The following ALG13 variants were observed in gnomAD, a reference collection of about 807,000 sequenced individuals.
ALG13 encodes the protein UDP-N-acetylglucosamine transferase subunit ALG13.
Under a neutral mutation model 87.8 loss-of-function variants are expected in ALG13, and 11 were observed. The ratio of observed to expected loss-of-function variants is 0.13; its 90% CI spans 0.08 to 0.21. ALG13 has a LOEUF of 0.21. ALG13 is among the 10% of genes least tolerant of loss of function. The pLI is 1.00. For synonymous variants in ALG13, 320 were observed against 306.3 expected (o/e 1.04, Z -0.47); for missense variants, 756 against 866.1 (o/e 0.87, Z 1.60).
intron 14 of ALG13, 141 bp from the exon 15 acceptor site, chrX:111,724,793 T>A (rs1941789536): frequency 4.9e-6 from 3 of 609,858 alleles, no homozygotes; most frequent in Non-Finnish European, 7.5e-6. Flanking sequence ...TTTTCTAAAC[T>A]AATAAAAAAT....
At chrX:111,684,807 G>C (rs1934513557) in intron 2 of ALG13, among the ~76,000 whole-genome samples, 158 bp from the exon 3 acceptor site, 1 of 112,430 alleles carries the variant, frequency 8.9e-6, no homozygotes, top group African/African-American at 3.2e-5. Flanking sequence ...GAGAGCAACT[G>C]ATAACTATAC....
chrX:111,757,913 C>G (rs1179205590), intron 26 of ALG13, among the ~76,000 whole-genome samples, 151 bp downstream of exon 26: 1 of 111,887 alleles, frequency 8.9e-6, no homozygotes, highest in Non-Finnish European at 1.9e-5. Flanking sequence ...CCCTAAGACT[C>G]TTTCAAGGGA....
intron 24 of ALG13, among the ~76,000 whole-genome samples, chrX:111,751,092 C>T (rs1239415650): frequency 2.7e-5 from 2 of 75,123 alleles, no homozygotes; most frequent in East Asian, 4.1e-4. Context: ...TTTTTTGCAA[C>T]GGAGTCTTGC....
chrX:111,681,596 C>T (rs1933236869), intron 1 of ALG13: 13 of 943,108 alleles, frequency 1.4e-5, no homozygotes, highest in Non-Finnish European at 1.3e-5. Flanking sequence ...GCCTCCGCGT[C>T]CTCCGCCCCT....
chrX:111,702,923 C>T (rs937682410), intron 3 of ALG13, among the ~76,000 whole-genome samples: 1 of 110,840 alleles, frequency 9.0e-6, no homozygotes, highest in Non-Finnish European at 1.9e-5. Flanking sequence ...ATAACTTCCC[C>T]TCTAATCTAG....
chrX:111,711,855 A>G (rs909987564), intron 6 of ALG13, 130 bp downstream of exon 6: 26 of 599,693 alleles, frequency 4.3e-5, no homozygotes, highest in Middle Eastern at 5.3e-4. Flanking sequence ...GTTGAATCCA[A>G]TAGTTCTCAC....
At chrX:111,682,371 C>A in intron 2 of ALG13, 77 bp downstream of exon 2, 1 of 854,611 alleles carries the variant, frequency 1.2e-6, no homozygotes, top group Non-Finnish European at 1.6e-6. Context: ...TCTGGGGGTA[C>A]ATGTGCAGGA....
At chrX:111,693,164 CT>C (rs61239915) in intron 3 of ALG13, among the ~76,000 whole-genome samples, 1,674 of 55,066 alleles carry the variant, frequency 0.03, 18 homozygotes, top group Middle Eastern at 0.067. Context: ...GTTTTTAATT[CT>C]TTTTTTTTTT....
Position 111,759,892 on chromosome X carries a change from A to G in ALG13, c.3307A>G (p.Thr1103Ala). 8.3e-7 allele frequency: 1 copy of G among 1,210,577 alleles called. No individual in the cohort carries two copies. The highest frequency in any genetic ancestry group is 1.1e-6 in the Non-Finnish European group (1 of 895,160). ...SCVPPWHPVG[T>A]AYGGSSQIHG... ...TGTTCCCCCCTGGCATCCAGTTGGT[A>G]CAGCATATGGTGGTTCTTCTCAAAT... Residue 1103 changes from threonine to alanine, a missense_variant, in exon 27 of 27, where the codon ACA becomes GCA. Physicochemically the swap from Thr to Ala is moderately conservative, Grantham distance 58. Transcript: ENST00000394780.
At chrX:111,704,612 T>G (rs1938432824) in intron 3 of ALG13, among the ~76,000 whole-genome samples, 1 of 111,811 alleles carries the variant, frequency 8.9e-6, no homozygotes, top group African/African-American at 3.2e-5. Flanking sequence ...TCCCATTTGT[T>G]TGAAATGTTC....
chrX:111,748,386 A>G (rs922343707), intron 24 of ALG13, among the ~76,000 whole-genome samples: 5 of 111,746 alleles, frequency 4.5e-5, no homozygotes, highest in Non-Finnish European at 9.4e-5. Context: ...ATTTTCTCCT[A>G]TGTTATCGTC....
intron 25 of ALG13, among the ~76,000 whole-genome samples, chrX:111,753,355 T>C (rs1944927443): frequency 9.0e-6 from 1 of 111,363 alleles, no homozygotes; most frequent in South Asian, 3.7e-4. Context: ...CTGGGAAATA[T>C]CTAAAATCAA....
At position 111,759,507 on chromosome X, in the gene ALG13, TG is replaced by T. The variant is rs762698291; in HGVS notation, c.3149-226del. Among the ~76,000 whole-genome samples the T allele has an allele frequency of 3.6e-5, 4 of 112,247 alleles. No homozygotes were observed. In the East Asian group the frequency reaches 1.1e-3, roughly 31 times the overall value. ...AAATCATCCCAGAAAGATAGCTGTCTGTACATTGAATAGATTTGACACATAT... is the reference window on the plus strand; with the variant it reads ...AAATCATCCCAGAAAGATAGCTGTCTTACATTGAATAGATTTGACACATAT... On this transcript the variant is annotated intron_variant, in intron 26 of 26. Transcript: ENST00000394780.
intron 26 of ALG13, among the ~76,000 whole-genome samples, chrX:111,757,974 T>A (rs1332494154): frequency 9.0e-6 from 1 of 111,270 alleles, no homozygotes; most frequent in African/African-American, 3.3e-5. Flanking sequence ...ATTTGCCCCT[T>A]TCACTGGCTT....
intron 25 of ALG13, among the ~76,000 whole-genome samples, chrX:111,756,181 T>C (rs1945235309): frequency 8.9e-6 from 1 of 111,834 alleles, no homozygotes; most frequent in Non-Finnish European, 1.9e-5. Context: ...AAACACCGCA[T>C]GTTCTCACTC....
At chrX:111,724,890 G>A in intron 14 of ALG13, 44 bp from the exon 15 acceptor site, 1 of 1,189,273 alleles carries the variant, frequency 8.4e-7, no homozygotes. Context: ...TGAAAGTTAA[G>A]TCTGTGTTGC....
At chrX:111,754,359 G>A (rs903046668) in intron 25 of ALG13, among the ~76,000 whole-genome samples, 3 of 111,326 alleles carry the variant, frequency 2.7e-5, no homozygotes, top group African/African-American at 6.5e-5. Context: ...TTTGAAAACC[G>A]GTACAAGACA....
At chrX:111,714,823 C>G (rs1940331015) in intron 8 of ALG13, among the ~76,000 whole-genome samples, 1 of 111,590 alleles carries the variant, frequency 9.0e-6, no homozygotes, top group Admixed American at 9.5e-5. Context: ...AAACTTGACC[C>G]TAAATGCTAA....
intron 3 of ALG13, among the ~76,000 whole-genome samples, chrX:111,707,788 T>C (rs1284869415): frequency 2.7e-5 from 3 of 111,625 alleles, no homozygotes; most frequent in Non-Finnish European, 5.6e-5. Context: ...TTGTAGTCCC[T>C]TTTCAGCCTC....
Sources: allele counts gnomAD v4.1 joint callset (sites outside exome capture counted in the v4.1 genomes callset), GRCh38; gene constraint gnomAD v4.1.1; transcripts MANE v1.5; gene names NCBI Gene and HGNC (gene_info 2026-07-23, HGNC 2026-07-21).